The following RAB6B variants were observed in gnomAD, a reference collection of about 807,000 sequenced individuals.
RAB6B encodes the protein ras-related protein Rab-6B.
Under a neutral mutation model 31.2 loss-of-function variants are expected in RAB6B, and 7 were observed. The observed-to-expected ratio is 0.22, with a 90% confidence interval of 0.13 to 0.42. RAB6B has a LOEUF of 0.42. RAB6B is among the 10% of genes least tolerant of loss of function. The probability of loss-of-function intolerance (pLI) is 1.00; values close to 1 mark genes in which losing one functional copy is unlikely to be tolerated. For synonymous variants in RAB6B, 105 were observed against 104.9 expected (o/e 1.00, Z -0.01); for missense variants, 149 against 280.6 (o/e 0.53, Z 3.35).
intron 2 of RAB6B, among the ~76,000 whole-genome samples, chr3:133,853,475 A>G (rs13093428): frequency 0.22 from 32,869 of 150,472 alleles, 4,475 homozygotes; most frequent in Middle Eastern, 0.36. Context: ...GTCTGCCGGC[A>G]AATCTAGAAT....
At chr3:133,885,879 A>G (rs1249907981) in intron 1 of RAB6B, among the ~76,000 whole-genome samples, 1 of 152,206 alleles carries the variant, frequency 6.6e-6, no homozygotes, top group East Asian at 1.9e-4. Context: ...AGCCCTCTCT[A>G]TAAATTCCAT....
intron 2 of RAB6B, among the ~76,000 whole-genome samples, chr3:133,846,683 G>A (rs1015919220): frequency 6.6e-6 from 1 of 152,120 alleles, no homozygotes; most frequent in African/African-American, 2.4e-5. Context: ...CGTAATAGCA[G>A]CCAGAAAACA....
intron 4 of RAB6B, among the ~76,000 whole-genome samples, chr3:133,839,987 TACACACACACACACACA>T (rs1559901167): frequency 1.3e-5 from 2 of 149,948 alleles, no homozygotes; most frequent in African/African-American, 4.9e-5. Context: ...TGTGTGTGCA[TACACACACACACACACA>T]CATGCGCGCG....
intron 1 of RAB6B, among the ~76,000 whole-genome samples, chr3:133,887,997 C>T (rs1936574881): frequency 6.6e-6 from 1 of 152,188 alleles, no homozygotes; most frequent in African/African-American, 2.4e-5. Context: ...CTGCTTCCCT[C>T]CTCCCTGCTC....
At chr3:133,834,452 T>C (rs1935702587) in intron 7 of RAB6B, 123 bp downstream of exon 7, 1 of 1,077,814 alleles carries the variant, frequency 9.3e-7, no homozygotes, top group Non-Finnish European at 1.4e-6. Flanking sequence ...CCCCGTGCCA[T>C]TCGCGGCAGA....
At chr3:133,843,917 CA>C (rs1172201664) in intron 2 of RAB6B, among the ~76,000 whole-genome samples, 5 of 152,204 alleles carry the variant, frequency 3.3e-5, no homozygotes, top group Non-Finnish European at 4.4e-5. Context: ...GCTACTTCAG[CA>C]GCGCTGGACT....
At chr3:133,882,782 GTTC>G (rs1053070466) in intron 1 of RAB6B, among the ~76,000 whole-genome samples, 49 of 152,346 alleles carry the variant, frequency 3.2e-4, no homozygotes, top group African/African-American at 1.2e-3. Flanking sequence ...GAGGAGCTGA[GTTC>G]TTCTGGCCCA....
intron 1 of RAB6B, among the ~76,000 whole-genome samples, chr3:133,866,980 C>T (rs986221499): frequency 6.6e-6 from 1 of 152,224 alleles, no homozygotes; most frequent in African/African-American, 2.4e-5. Flanking sequence ...TCTCTTCTCC[C>T]CAGGGCCTCC....
At position 133,839,540 on chromosome 3, in the gene RAB6B, G is replaced by A. The variant is rs1935791117; in HGVS notation, c.367C>T (p.Leu123=). Residue 123 remains leucine (L), a synonymous_variant, in exon 5 of 8, where the codon CTG becomes TTG. Coordinates refer to ENST00000285208, the MANE Select transcript of RAB6B (RefSeq NM_016577.4). The stretch of plus-strand genomic sequence containing the variant: ...GCCAGGTCCGTCTTGTTGCCCACCA[G>A]CATGATGATAACATCACTGCCCCTC... ...TERGSDVIIM[L]VGNKTDLADK... 1 of 1,614,190 alleles carries A rather than the reference G, an allele frequency of 6.2e-7. No individual in the cohort carries two copies. The highest frequency in any genetic ancestry group is 8.5e-7 in the Non-Finnish European group (1 of 1,180,000).
chr3:133,835,058 G>C (rs756125485), intron 6 of RAB6B, among the ~76,000 whole-genome samples: 5 of 152,190 alleles, frequency 3.3e-5, no homozygotes, highest in Non-Finnish European at 5.9e-5. Context: ...TTGCCCTTGA[G>C]ATGAATGACT....
intron 4 of RAB6B, 75 bp downstream of exon 4, chr3:133,841,210 A>G: frequency 7.3e-7 from 1 of 1,375,932 alleles, no homozygotes; most frequent in Non-Finnish European, 1.0e-6. Context: ...ACATGCACAC[A>G]GGCCTGGCCA....
At chr3:133,891,232 G>A (rs1290411525) in intron 1 of RAB6B, among the ~76,000 whole-genome samples, 2 of 152,200 alleles carry the variant, frequency 1.3e-5, no homozygotes, top group Admixed American at 1.3e-4. Flanking sequence ...GGAATGGGCT[G>A]AAAGTACAGG....
chr3:133,839,330 C>T (rs1354469487), intron 5 of RAB6B, among the ~76,000 whole-genome samples, 176 bp downstream of exon 5: 1 of 152,216 alleles, frequency 6.6e-6, no homozygotes, highest in African/African-American at 2.4e-5. Flanking sequence ...AGATGAGATA[C>T]CCATGGATGA....
At chr3:133,871,792 A>G (rs1936327522) in intron 1 of RAB6B, among the ~76,000 whole-genome samples, 1 of 152,242 alleles carries the variant, frequency 6.6e-6, no homozygotes, top group Non-Finnish European at 1.5e-5. Context: ...TGTACCACCC[A>G]CTAGCTAGCC....
At chr3:133,888,413 T>C (rs1936584437) in intron 1 of RAB6B, among the ~76,000 whole-genome samples, 1 of 152,218 alleles carries the variant, frequency 6.6e-6, no homozygotes, top group African/African-American at 2.4e-5. Flanking sequence ...TGCCATTCTT[T>C]TTATGCATTT....
Position 133,841,675 on chromosome 3 carries a change from A to G in RAB6B, c.130-12T>C. ...ATCCCAATGGTTGCCTGTTAGAGAA[A>G]AGCACAGAACGGTCAAAATCAAAAG... On this transcript the variant is annotated splice_polypyrimidine_tract_variant and intron_variant, in intron 2 of 7. Transcript: ENST00000285208. 1 of 1,613,904 alleles carries G rather than the reference A, an allele frequency of 6.2e-7. No homozygotes were observed. The highest frequency in any genetic ancestry group is 8.5e-7 in the Non-Finnish European group (1 of 1,179,922).
chr3:133,868,783 A>T (rs572033070), intron 1 of RAB6B, among the ~76,000 whole-genome samples: 2 of 152,328 alleles, frequency 1.3e-5, no homozygotes, highest in East Asian at 3.9e-4. Flanking sequence ...GCTAGAAAGA[A>T]GGAGAGGAAA....
intron 2 of RAB6B, among the ~76,000 whole-genome samples, chr3:133,852,807 C>A (rs1025583345): frequency 7.9e-5 from 12 of 152,152 alleles, no homozygotes; most frequent in Non-Finnish European, 1.8e-4. Flanking sequence ...TGACCACTCT[C>A]CCTGCCTTAC....
intron 2 of RAB6B, among the ~76,000 whole-genome samples, chr3:133,847,908 T>A (rs1935927840): frequency 6.6e-6 from 1 of 152,222 alleles, no homozygotes; most frequent in Non-Finnish European, 1.5e-5. Context: ...TTCTAGGATC[T>A]TCTTCCTTTC....
Sources: allele counts gnomAD v4.1 joint callset (sites outside exome capture counted in the v4.1 genomes callset), GRCh38; gene constraint gnomAD v4.1.1; transcripts MANE v1.5; gene names NCBI Gene and HGNC (gene_info 2026-07-23, HGNC 2026-07-21).